Variants in GLIS3 observed in about 807,000 individuals in gnomAD.
GLIS3 encodes the protein zinc finger protein GLIS3.
Under a neutral mutation model 78.6 loss-of-function variants are expected in GLIS3, and 53 were observed. That is an observed-to-expected ratio of 0.67 (90% confidence interval 0.54 to 0.85). GLIS3 has a LOEUF of 0.85. GLIS3 is among the 40% of genes least tolerant of loss of function. The pLI is 0.00. For synonymous variants in GLIS3, 684 were observed against 509.9 expected (o/e 1.34, Z -4.60); for missense variants, 1,703 against 1,231.1 (o/e 1.38, Z -5.74).
chr9:4,182,514 T>A (rs184079588), intron 2 of GLIS3, among the ~76,000 whole-genome samples: 2 of 152,102 alleles, frequency 1.3e-5, no homozygotes, highest in African/African-American at 4.8e-5. Flanking sequence ...AGAGGTTGAA[T>A]TGAAAAATGG....
chr9:4,088,044 G>A (rs1265718284), intron 4 of GLIS3, among the ~76,000 whole-genome samples: 1 of 152,204 alleles, frequency 6.6e-6, no homozygotes, highest in African/African-American at 2.4e-5. Context: ...GTCGAACTCA[G>A]CTCACTGGCT....
intron 2 of GLIS3, among the ~76,000 whole-genome samples, chr9:4,319,905 A>G (rs1041688373): frequency 3.9e-5 from 6 of 152,110 alleles, no homozygotes; most frequent in African/African-American, 1.4e-4. Context: ...CCAGAATTCT[A>G]ATCTGTCTAC....
At chr9:4,035,352 C>T (rs897886656) in intron 4 of GLIS3, among the ~76,000 whole-genome samples, 1 of 151,876 alleles carries the variant, frequency 6.6e-6, no homozygotes, top group Non-Finnish European at 1.5e-5. Flanking sequence ...TATACTGTAG[C>T]AAAAACAGAA....
the GLIS3 span, among the ~76,000 whole-genome samples, chr9:4,394,739 G>C: frequency 1.3e-5 from 2 of 152,142 alleles, no homozygotes; most frequent in African/African-American, 2.4e-5. Flanking sequence ...TTTTTGCCGA[G>C]TACAGACTTA....
intron 8 of GLIS3, among the ~76,000 whole-genome samples, chr9:3,869,636 G>A (rs189526135): frequency 6.6e-6 from 1 of 152,160 alleles, no homozygotes; most frequent in Non-Finnish European, 1.5e-5. Context: ...CAAGGGAATT[G>A]TTGCTTTCTG....
the GLIS3 span, among the ~76,000 whole-genome samples, chr9:4,484,417 T>A: frequency 7.7e-6 from 1 of 130,422 alleles, no homozygotes; most frequent in African/African-American, 3.0e-5. Flanking sequence ...TTTTTTTTTT[T>A]TTTTTTTTTT....
At chr9:4,358,987 A>G in the GLIS3 span, among the ~76,000 whole-genome samples, 5 of 152,162 alleles carry the variant, frequency 3.3e-5, no homozygotes, top group South Asian at 1.0e-3. Flanking sequence ...CACTAGTCCC[A>G]TCCTCAGCAA....
At chr9:4,416,293 T>C in the GLIS3 span, among the ~76,000 whole-genome samples, 2 of 143,568 alleles carry the variant, frequency 1.4e-5, no homozygotes, top group Non-Finnish European at 3.0e-5. Flanking sequence ...TGCAAATTGA[T>C]CTTAATATTC....
At chr9:4,009,962 C>T (rs1180057469) in intron 4 of GLIS3, among the ~76,000 whole-genome samples, 1 of 152,178 alleles carries the variant, frequency 6.6e-6, no homozygotes, top group Non-Finnish European at 1.5e-5. Context: ...CCAAACTGCT[C>T]AGCAGAGTGT....
intron 4 of GLIS3, among the ~76,000 whole-genome samples, chr9:3,999,914 T>G (rs1035921591): frequency 2.0e-5 from 3 of 151,728 alleles, no homozygotes; most frequent in African/African-American, 7.3e-5. Context: ...AATAGAGAAA[T>G]GGAAAAGAAT....
chr9:4,437,420 G>GTATGTATCTATC, the GLIS3 span, among the ~76,000 whole-genome samples: 3,196 of 126,930 alleles, frequency 0.025, 50 homozygotes, highest in Non-Finnish European at 0.031. Flanking sequence ...ATGTATGTAT[G>GTATGTATCTATC]TATCTATCTA....
At chr9:4,480,570 T>C in the GLIS3 span, among the ~76,000 whole-genome samples, 3 of 152,100 alleles carry the variant, frequency 2.0e-5, no homozygotes, top group African/African-American at 7.3e-5. Context: ...CTCTTTCCTG[T>C]ACCTAATGCT....
the GLIS3 span, among the ~76,000 whole-genome samples, chr9:4,487,281 T>C: frequency 1.3e-5 from 2 of 152,228 alleles, no homozygotes; most frequent in Admixed American, 1.3e-4. Context: ...AAGATGGTGT[T>C]AAGAGATGCC....
At chr9:4,476,314 C>A in the GLIS3 span, among the ~76,000 whole-genome samples, 1 of 151,986 alleles carries the variant, frequency 6.6e-6, no homozygotes, top group African/African-American at 2.4e-5. Context: ...CTCTGGGGAC[C>A]ATGAGAACCA....
At chr9:4,387,088 G>T in the GLIS3 span, among the ~76,000 whole-genome samples, 2 of 152,260 alleles carry the variant, frequency 1.3e-5, no homozygotes, top group African/African-American at 2.4e-5. Flanking sequence ...AATGAATTTG[G>T]TTAAAAGATT....
intron 4 of GLIS3, among the ~76,000 whole-genome samples, chr9:4,080,653 G>A (rs1461227224): frequency 6.6e-6 from 1 of 151,860 alleles, no homozygotes; most frequent in Non-Finnish European, 1.5e-5. Flanking sequence ...TGAGCTTTTG[G>A]CACCCCCTTA....
intron 2 of GLIS3, among the ~76,000 whole-genome samples, chr9:4,213,716 T>C (rs915433809): frequency 1.3e-5 from 2 of 152,204 alleles, no homozygotes; most frequent in African/African-American, 4.8e-5. Context: ...AGGCACGTAA[T>C]AGAAACTTGA....
At position 3,937,045 on chromosome 9, in the gene GLIS3, G is replaced by A; in HGVS notation, c.1855C>T (p.Arg619Trp). The change falls in exon 5 of 11, where the codon CGG (arginine) becomes TGG (tryptophan). Residue 619 changes from arginine to tryptophan, a missense_variant. Arg to Trp is a moderately radical substitution (Grantham distance 101). Transcript: ENST00000381971. Reference sequence around the variant, plus strand: ...ATTCTTACGGTGTCCAGATGCGTCCGCTGGTGTTTGGCGCGGTCACTGGAG... The same window carrying A: ...ATTCTTACGGTGTCCAGATGCGTCCACTGGTGTTTGGCGCGGTCACTGGAG... Reference protein sequence around the residue: ...SNSSDRAKHQRTHLDTKPYAC... With the variant: ...SNSSDRAKHQWTHLDTKPYAC... 5.0e-6 allele frequency: 8 copies of A among 1,613,006 alleles called. No individual in the cohort carries two copies. The highest frequency in any genetic ancestry group is 1.7e-5 in the Admixed American group (1 of 60,012).
rs367913023 is a variant in GLIS3, at chr9:4,125,960, G to C, written c.389-19C>G. On this transcript the variant is annotated intron_variant, in intron 2 of 10. Coordinates refer to ENST00000381971, the MANE Select transcript of GLIS3 (RefSeq NM_001042413.2). Reference sequence around the variant, plus strand: ...AGAGCCCCTAAAAACAAATGAATCAGGTTAGCTTTCATGTCCCTTACATCA... The same window carrying C: ...AGAGCCCCTAAAAACAAATGAATCACGTTAGCTTTCATGTCCCTTACATCA... 6.3e-7 allele frequency: 1 copy of C among 1,596,662 alleles called. No homozygotes were observed. Among genetic ancestry groups the C allele is most frequent in the Non-Finnish European group, 8.6e-7 (1 of 1,164,436 alleles).
Sources: gnomAD v4.1 joint callset for allele counts (sites outside exome capture counted in the v4.1 genomes callset) on GRCh38, gnomAD v4.1.1 for gene constraint, MANE v1.5 for transcripts, NCBI Gene and HGNC (gene_info 2026-07-23, HGNC 2026-07-21) for gene names.